The following CSTL1 variants were observed in gnomAD, a reference collection of about 807,000 sequenced individuals.
The protein encoded by CSTL1 is cystatin like 1.
Under a neutral mutation model 14.4 loss-of-function variants are expected in CSTL1, and 14 were observed. The ratio of observed to expected loss-of-function variants is 0.97; its 90% CI spans 0.64 to 1.52. CSTL1 has a LOEUF of 1.52. CSTL1 is among the 40% of genes most tolerant of loss of function. The pLI is 0.00. For synonymous variants in CSTL1, 72 were observed against 67.5 expected, an observed-to-expected ratio of 1.07 and a Z score of -0.33; for missense variants, 170 against 168.7, an observed-to-expected ratio of 1.01 and a Z score of -0.04.
the CSTL1 span, among the ~76,000 whole-genome samples, chr20:23,457,175 C>T: frequency 6.6e-6 from 1 of 152,156 alleles, no homozygotes; most frequent in Non-Finnish European, 1.5e-5. Flanking sequence ...CTGTTGACAT[C>T]CCTACCACCT....
At chr20:23,455,961 C>T in the CSTL1 span, among the ~76,000 whole-genome samples, 2 of 152,164 alleles carry the variant, frequency 1.3e-5, no homozygotes. Flanking sequence ...CTCCCCACTC[C>T]CCTGCAGGCT....
In CSTL1 at chr20:23,443,568, G is replaced by T. The variant is rs983930043; in HGVS notation, c.220-366G>T. Among the ~76,000 whole-genome samples the T allele has an allele frequency of 2.6e-5, 4 of 152,070 alleles. No homozygotes were observed. In the South Asian group the frequency reaches 6.2e-4, roughly 24 times the overall value. On this transcript the variant is annotated intron_variant, in intron 2 of 3. Transcript: ENST00000347397. ...ACAGAGGAAATGGCAGAAGGGACTG[G>T]GGGGGTGGGGACAAGATGCTGGCTC...
At chr20:23,442,901 G>T (rs538240096) in intron 2 of CSTL1, among the ~76,000 whole-genome samples, 1 of 152,186 alleles carries the variant, frequency 6.6e-6, no homozygotes, top group Non-Finnish European at 1.5e-5. Context: ...CTCAGAACCC[G>T]ACAGGGAACC....
intron 2 of CSTL1, among the ~76,000 whole-genome samples, chr20:23,442,826 G>C (rs1243691857): frequency 6.6e-6 from 1 of 152,200 alleles, no homozygotes; most frequent in East Asian, 1.9e-4. Flanking sequence ...GCAACAGGGA[G>C]CTTCCCAGAG....
rs143312132 is a variant in CSTL1 at position 23,440,370 on chromosome 20, C to T, written c.103C>T (p.Leu35Phe). 7 of 1,614,216 alleles carry T rather than the reference C, an allele frequency of 4.3e-6. No homozygotes were observed. Among genetic ancestry groups the T allele is most frequent in the Non-Finnish European group, 5.9e-6 (7 of 1,180,042 alleles). Reference sequence around the variant, plus strand: ...AAGGTGGGAGGGCTTCCAGCAGAAGCTCATGAGCAAGAAGAACATGAATTC... The same window carrying T: ...AAGGTGGGAGGGCTTCCAGCAGAAGTTCATGAGCAAGAAGAACATGAATTC... ...FQRWEGFQQK[L>F]MSKKNMNSTL... The change falls in exon 2 of 4, where the codon CTC becomes TTC. Residue 35 changes from leucine (L) to phenylalanine (F), a missense_variant. By Grantham distance (22) the Leu-to-Phe change is conservative (BLOSUM62 0). Coordinates refer to ENST00000347397, the MANE Select transcript of CSTL1 (RefSeq NM_138283.1).
the CSTL1 span, chr20:23,452,968 A>G: frequency 1.6e-6 from 1 of 613,376 alleles, no homozygotes; most frequent in South Asian, 2.0e-5. Context: ...CAGCAGCTGA[A>G]CTCGAGGGGA....
chr20:23,452,808 T>C, the CSTL1 span: 1 of 1,612,412 alleles, frequency 6.2e-7, no homozygotes, highest in Non-Finnish European at 8.5e-7. Context: ...GGCTCAGCCA[T>C]CATCCTTCAG....
the CSTL1 span, among the ~76,000 whole-genome samples, chr20:23,455,751 G>A: frequency 2.0e-3 from 301 of 152,336 alleles, no homozygotes; most frequent in Non-Finnish European, 3.5e-3. Context: ...GCCAGGAGGC[G>A]CAGGTGGTCG....
At chr20:23,447,365 T>G (rs1986988080), downstream of CSTL1, among the ~76,000 whole-genome samples, 1 of 152,226 alleles carries the variant, frequency 6.6e-6, no homozygotes, top group Non-Finnish European at 1.5e-5. Context: ...GATAATGTAC[T>G]TTTGGGTCGT....
chr20:23,445,051 C>T (rs1042284760), downstream of CSTL1: 11 of 641,450 alleles, frequency 1.7e-5, no homozygotes, highest in Admixed American at 6.6e-5. Flanking sequence ...CTCATACTCA[C>T]GACACCCTCA....
At chr20:23,452,790 C>T in the CSTL1 span, 1 of 1,613,860 alleles carries the variant, frequency 6.2e-7, no homozygotes, top group South Asian at 1.1e-5. Context: ...AGCTGTAGGG[C>T]CTGCCAGGGC....
downstream of CSTL1, among the ~76,000 whole-genome samples, chr20:23,447,493 A>G (rs866080379): frequency 4.2e-4 from 61 of 144,940 alleles, no homozygotes; most frequent in African/African-American, 1.5e-3. Context: ...TGTGAGACAG[A>G]GTTCCACTCT....
chr20:23,440,344 A>G lies in CSTL1; in HGVS notation c.77A>G (p.Gln26Arg). The G allele has an allele frequency of 6.2e-7, 1 of 1,614,206 alleles. No homozygotes were observed. Among genetic ancestry groups the G allele is most frequent in the South Asian group, 1.1e-5 (1 of 91,088 alleles). ...LVLSAKLGHF[Q>R]RWEGFQQKLM... ...CTGTCAGCCAAGCTGGGTCACTTCC[A>G]AAGGTGGGAGGGCTTCCAGCAGAAG... Residue 26 changes from glutamine to arginine, a missense_variant, in exon 2 of 4, where the codon CAA becomes CGA. Coordinates refer to ENST00000347397, the MANE Select transcript of CSTL1 (RefSeq NM_138283.1).
chr20:23,444,887 A>G lies in CSTL1; in HGVS notation c.*9A>G, dbSNP rs1986932801. The G allele has an allele frequency of 2.5e-6, 4 of 1,574,864 alleles. No individual in the cohort carries two copies. The highest frequency in any genetic ancestry group is 3.5e-6 in the Non-Finnish European group (4 of 1,144,288). Reference sequence around the variant, plus strand: ...GCAGAAACCTCAGATGAGGGCTCATATGATTGAGTTGTGCACTGGCTGTTA... The same window carrying G: ...GCAGAAACCTCAGATGAGGGCTCATGTGATTGAGTTGTGCACTGGCTGTTA... On this transcript the variant is annotated 3_prime_UTR_variant, in exon 4 of 4. Coordinates refer to ENST00000347397, the MANE Select transcript of CSTL1 (RefSeq NM_138283.1).
the CSTL1 span, among the ~76,000 whole-genome samples, chr20:23,457,371 C>T: frequency 1.3e-5 from 2 of 152,096 alleles, no homozygotes; most frequent in East Asian, 3.9e-4. Flanking sequence ...CAGGTGGCTT[C>T]TGTATCCGCT....
chr20:23,445,066 C>A, downstream of CSTL1: 1 of 641,176 alleles, frequency 1.6e-6, no homozygotes. Flanking sequence ...CCCTCACACT[C>A]TCACCACTCA....
At chr20:23,457,383 T>C in the CSTL1 span, among the ~76,000 whole-genome samples, 9 of 152,282 alleles carry the variant, frequency 5.9e-5, no homozygotes, top group African/African-American at 1.4e-4. Context: ...GTATCCGCTA[T>C]GAAAAATTTT....
chr20:23,445,626 C>T (rs1341367032), downstream of CSTL1, among the ~76,000 whole-genome samples: 1 of 152,158 alleles, frequency 6.6e-6, no homozygotes, highest in African/African-American at 2.4e-5. Context: ...CTACGCCACC[C>T]CACATCTCTA....
the CSTL1 span, among the ~76,000 whole-genome samples, chr20:23,451,319 C>T: frequency 1.3e-5 from 2 of 152,164 alleles, no homozygotes; most frequent in African/African-American, 2.4e-5. Context: ...AGAGCACACG[C>T]ATGCAAGTTT....
Sources: allele counts gnomAD v4.1 joint callset (sites outside exome capture counted in the v4.1 genomes callset), GRCh38; gene constraint gnomAD v4.1.1; transcripts MANE v1.5; gene names NCBI Gene and HGNC (gene_info 2026-07-23, HGNC 2026-07-21).